NRAP: variants seen among roughly 807,000 people sequenced by gnomAD.
The protein encoded by NRAP is nebulin related anchoring protein.
In NRAP, 189 loss-of-function variants were observed where a neutral mutation model predicts 225.9. The ratio of observed to expected loss-of-function variants is 0.84; its 90% CI spans 0.74 to 0.94. NRAP has a LOEUF of 0.94. Ranked by LOEUF, NRAP falls within the 40% of genes least tolerant of loss-of-function variation. The pLI is 0.00. For synonymous variants in NRAP, 769 were observed against 790.7 expected (o/e 0.97, Z 0.46); for missense variants, 2,176 against 2,168.7 (o/e 1.00, Z -0.07).
In NRAP at chr10:113,631,537, G is replaced by C; in HGVS notation, c.1814C>G (p.Ser605Cys). Residue 605 changes from serine (S) to cysteine (C), a missense_variant, in exon 18 of 42, where the codon TCC (serine) becomes TGC (cysteine). Around this residue, in one of 3 missense-constraint regions of NRAP, gnomAD observed 1,708 missense variants for 1,695.5 expected, o/e 1.01. Coordinates refer to ENST00000359988, the MANE Select transcript of NRAP (RefSeq NM_198060.4). ...MGTADSRLLH[S>C]LQIAKMSSEV... ...ACTGCTCATCTTAGCAATCTGCAGG[G>C]AGTGCAGAAGCCTAGAGTCGGCTGT... The C allele has an allele frequency of 1.1e-5, 17 of 1,609,378 alleles. No individual in the cohort carries two copies. The highest frequency in any genetic ancestry group is 1.4e-5 in the Non-Finnish European group (17 of 1,176,632).
At position 113,647,036 on chromosome 10, in the gene NRAP, T is replaced by A. The variant is rs1375556057; in HGVS notation, c.889-9A>T. On this transcript the variant is annotated splice_polypyrimidine_tract_variant and intron_variant, in intron 9 of 41. Coordinates refer to ENST00000359988, the MANE Select transcript of NRAP (RefSeq NM_198060.4). ...TACTCCTCCGGGTAACCCTGCCGGG[T>A]GCATCAAAAACTTCAGTGAGTAATG... The A allele has an allele frequency of 6.2e-7, 1 of 1,602,110 alleles. No homozygotes were observed. The highest frequency in any genetic ancestry group is 1.7e-5 in the Admixed American group (1 of 59,994).
intron 20 of NRAP, among the ~76,000 whole-genome samples, chr10:113,628,684 G>GTA (rs1262254895): frequency 6.6e-6 from 1 of 152,192 alleles, no homozygotes; most frequent in African/African-American, 2.4e-5. Context: ...TTCTTTGGAT[G>GTA]TAACTGCTAC....
chr10:113,656,546 A>T (rs1850318329), intron 4 of NRAP, among the ~76,000 whole-genome samples: 3 of 152,226 alleles, frequency 2.0e-5, no homozygotes, highest in African/African-American at 7.2e-5. Flanking sequence ...TTTATATAAC[A>T]TATATACATA....
rs1226981852 is a variant in NRAP at position 113,647,645 on chromosome 10, CCCCCCGGTGGTACTGCCT to C, written c.889-636_889-619del. Among the ~76,000 whole-genome samples the C allele has an allele frequency of 7.2e-3, 241 of 33,446 alleles. 2 individuals carry two copies. Among genetic ancestry groups the C allele is most frequent in the Non-Finnish European group, 0.014 (178 of 12,500 alleles). The allele number at this position is 33,446 out of a possible 152,430, so 21.9% of individuals were successfully genotyped here. On this transcript the variant is annotated intron_variant, in intron 9 of 41. Transcript: ENST00000359988. ...ACTTCCTCCCCTAGTGGTACTGTCT[CCCCCCGGTGGTACTGCCT>C]CCCCCGGTGGTGCTGTCTCCCCCGG...
chr10:113,646,732 G>A (rs528115363), intron 10 of NRAP, among the ~76,000 whole-genome samples, 191 bp downstream of exon 10: 9 of 152,326 alleles, frequency 5.9e-5, no homozygotes, highest in South Asian at 2.1e-4. Context: ...CTGGCTGTCC[G>A]TGTCCATCTC....
rs1413625718 is a variant in NRAP, at chr10:113,663,796, G to T, written c.72+15C>A. 1.3e-6 allele frequency: 2 copies of T among 1,599,504 alleles called. No individual in the cohort carries two copies. Among genetic ancestry groups the T allele is most frequent in the Non-Finnish European group, 1.7e-6 (2 of 1,166,984 alleles). ...GTTTGTTATTATTCACAAAAGCCAA[G>T]AAATGTCTACTGACCTGATCTATAC... On this transcript the variant is annotated intron_variant, in intron 1 of 41. Transcript: ENST00000359988.
chr10:113,637,064 C>T (rs1848915383), intron 14 of NRAP, among the ~76,000 whole-genome samples: 1 of 150,792 alleles, frequency 6.6e-6, no homozygotes, highest in African/African-American at 2.4e-5. Context: ...CTAATAGCCA[C>T]TTTGGCCCAC....
rs1344573653 is a variant in NRAP, at chr10:113,633,133, T to C, written c.1583A>G (p.Asp528Gly). The C allele has an allele frequency of 1.9e-6, 3 of 1,610,646 alleles. No individual in the cohort carries two copies. Among genetic ancestry groups the C allele is most frequent in the Non-Finnish European group, 1.7e-6 (2 of 1,176,864 alleles). Residue 528 changes from aspartate (D) to glycine (G), a missense_variant, in exon 16 of 42, where the codon GAT (aspartate) becomes GGT (glycine). By Grantham distance (94) the Asp-to-Gly change is moderately conservative. Coordinates refer to ENST00000359988, the MANE Select transcript of NRAP (RefSeq NM_198060.4). ...TTTGGCCTTCACCAGCTGAGGAACA[T>C]CCTGGGGCAATGTGTAATTCAACTT... Reference protein sequence around the residue: ...KNKLNYTLPQDVPQLVKAKTN... With the variant: ...KNKLNYTLPQGVPQLVKAKTN...
Position 113,642,931 on chromosome 10 carries a change from C to T in NRAP, c.1215+3G>A. ...AAACAAAAGCTTAGCGTTAACAACTCACATCACTGGTAAATTTTGAGATCT... is the reference window on the plus strand; with the variant it reads ...AAACAAAAGCTTAGCGTTAACAACTTACATCACTGGTAAATTTTGAGATCT... On this transcript the variant is annotated splice_donor_region_variant and intron_variant, in intron 12 of 41. Transcript: ENST00000359988. 6.5e-7 allele frequency: 1 copy of T among 1,539,096 alleles called. No homozygotes were observed. Among genetic ancestry groups the T allele is most frequent in the Non-Finnish European group, 9.0e-7 (1 of 1,111,494 alleles).
chr10:113,589,654 C>T lies in NRAP; in HGVS notation c.5088+12G>A. Reference sequence around the variant, plus strand: ...TTGCAAGCCAGGGGTGGCTTTGCAGCTTGCTACTCACGTAAGCTCCCTGGA... The same window carrying T: ...TTGCAAGCCAGGGGTGGCTTTGCAGTTTGCTACTCACGTAAGCTCCCTGGA... On this transcript the variant is annotated intron_variant, in intron 41 of 41. Transcript: ENST00000359988. The T allele has an allele frequency of 1.9e-6, 3 of 1,610,116 alleles. No homozygotes were observed. Among genetic ancestry groups the T allele is most frequent in the Non-Finnish European group, 2.5e-6 (3 of 1,178,802 alleles).
At chr10:113,637,846 C>T (rs867959180) in intron 14 of NRAP, among the ~76,000 whole-genome samples, 7 of 151,704 alleles carry the variant, frequency 4.6e-5, no homozygotes, top group Non-Finnish European at 7.4e-5. Flanking sequence ...TGCTTGAACC[C>T]GGGAGGCAGA....
chr10:113,623,364 C>G (rs1256384441), intron 23 of NRAP, among the ~76,000 whole-genome samples, 165 bp downstream of exon 23: 1 of 152,228 alleles, frequency 6.6e-6, no homozygotes, highest in Non-Finnish European at 1.5e-5. Flanking sequence ...TAGATAGGCA[C>G]AGATGTGATT....
intron 14 of NRAP, among the ~76,000 whole-genome samples, chr10:113,638,657 G>A (rs1849017976): frequency 6.6e-6 from 1 of 152,196 alleles, no homozygotes; most frequent in Non-Finnish European, 1.5e-5. Flanking sequence ...GCAGGAACTA[G>A]GGCAGAATGT....
In NRAP at chr10:113,617,543, C is replaced by A. The variant is rs767691664; in HGVS notation, c.2885G>T (p.Arg962Leu). The change falls in exon 26 of 42, where the codon CGT (arginine) becomes CTT (leucine). Residue 962 changes from arginine (R) to leucine (L), a missense_variant. Arg to Leu is a moderately radical substitution (Grantham distance 102, BLOSUM62 -2). Coordinates refer to ENST00000359988, the MANE Select transcript of NRAP (RefSeq NM_198060.4). ...AAACTTCAAAGCATCTGGATGCTGA[C>A]GGTACTTCTTCTGTTGAGCAGAAAA... is the stretch of plus-strand genomic sequence containing the variant. Reference protein sequence around the residue: ...AGELISEKKYRQHPDALKFTS... With the variant: ...AGELISEKKYLQHPDALKFTS... 1 of 1,601,888 alleles carries A rather than the reference C, an allele frequency of 6.2e-7. No homozygotes were observed. Among genetic ancestry groups the A allele is most frequent in the Non-Finnish European group, 8.6e-7 (1 of 1,168,900 alleles).
intron 26 of NRAP, 67 bp from the exon 27 acceptor site, chr10:113,615,883 G>T: frequency 1.1e-6 from 1 of 908,734 alleles, no homozygotes; most frequent in Non-Finnish European, 1.8e-6. Flanking sequence ...GCCAGGTTAC[G>T]CTTCAAGAGT....
At chr10:113,641,607 G>A (rs1236976814) in intron 12 of NRAP, 135 bp from the exon 13 acceptor site, 4 of 558,770 alleles carry the variant, frequency 7.2e-6, no homozygotes, top group Non-Finnish European at 1.2e-5. Flanking sequence ...ACGTATCACA[G>A]AATAAAAAAT....
Position 113,590,677 on chromosome 10 carries a change from G to A in NRAP, c.4857C>T (p.Ala1619=). ...LLQAKRSQQL[A]SDVHYRQPLP... Reference sequence around the variant, plus strand: ...GGGGCTGCCTGTAGTGCACATCACTGGCCAGCTGCTGGCTCCTCTTGGCCT... The same window carrying A: ...GGGGCTGCCTGTAGTGCACATCACTAGCCAGCTGCTGGCTCCTCTTGGCCT... The change falls in exon 40 of 42, where the codon GCC becomes GCT. Residue 1619 remains alanine, a synonymous_variant. Coordinates refer to ENST00000359988, the MANE Select transcript of NRAP (RefSeq NM_198060.4). 1.9e-6 allele frequency: 3 copies of A among 1,614,184 alleles called. No homozygotes were observed. The highest frequency in any genetic ancestry group is 1.6e-4 in the Middle Eastern group (1 of 6,062).
At chr10:113,618,560 C>G (rs1245493039) in intron 25 of NRAP, among the ~76,000 whole-genome samples, 7 of 152,250 alleles carry the variant, frequency 4.6e-5, no homozygotes, top group Non-Finnish European at 8.8e-5. Context: ...TGGTCCTTCA[C>G]AGAAAAGGCT....
intron 28 of NRAP, 38 bp from the exon 29 acceptor site, chr10:113,614,334 G>A: frequency 7.4e-7 from 1 of 1,356,090 alleles, no homozygotes; most frequent in Non-Finnish European, 1.1e-6. Flanking sequence ...AACAGCTCAG[G>A]GATAAGGGAC....
Sources: gnomAD v4.1 joint callset for allele counts (sites outside exome capture counted in the v4.1 genomes callset) on GRCh38, gnomAD v4.1.1 for gene constraint, gnomAD v4.1.1 regional missense constraint, MANE v1.5 for transcripts, NCBI Gene and HGNC (gene_info 2026-07-23, HGNC 2026-07-21) for gene names.